The following RNF175 variants were observed in gnomAD, a reference collection of about 807,000 sequenced individuals.
RNF175 encodes ring finger protein 175.
RNF175 carries 38 observed loss-of-function variants against 50.0 expected under a neutral mutation model. The ratio of observed to expected loss-of-function variants is 0.76; its 90% CI spans 0.59 to 1.00. RNF175 has a LOEUF of 1.00. Among genes scored for constraint, RNF175 ranks in the 50% least tolerant of loss-of-function variants. The probability of loss-of-function intolerance (pLI) is 0.00; values close to 1 mark genes in which losing one functional copy is unlikely to be tolerated. For synonymous variants in RNF175, 155 were observed against 146.1 expected (o/e 1.06, Z -0.44); for missense variants, 388 against 409.6 (o/e 0.95, Z 0.46).
At chr4:153,756,634 G>A (rs879789637) in intron 1 of RNF175, among the ~76,000 whole-genome samples, 5 of 152,134 alleles carry the variant, frequency 3.3e-5, no homozygotes, top group Non-Finnish European at 5.9e-5. Flanking sequence ...ATATGGAGTG[G>A]TGCCTCCCAT....
chr4:153,738,503 C>T (rs182554561), intron 3 of RNF175, among the ~76,000 whole-genome samples: 1 of 152,224 alleles, frequency 6.6e-6, no homozygotes, highest in East Asian at 1.9e-4. Context: ...TTTCTTATCC[C>T]TGATAATTTT....
At chr4:153,738,522 T>G (rs1199703069) in intron 3 of RNF175, among the ~76,000 whole-genome samples, 2 of 152,206 alleles carry the variant, frequency 1.3e-5, no homozygotes, top group Non-Finnish European at 2.9e-5. Context: ...TTCCTTGTTC[T>G]GAAGTCCACT....
intron 3 of RNF175, among the ~76,000 whole-genome samples, chr4:153,740,832 G>C (rs1235866537): frequency 6.6e-6 from 1 of 152,184 alleles, no homozygotes; most frequent in African/African-American, 2.4e-5. Context: ...AATAGAAGCT[G>C]AGATAAACAG....
At chr4:153,733,321 C>T (rs1430756016) in intron 3 of RNF175, among the ~76,000 whole-genome samples, 4 of 152,140 alleles carry the variant, frequency 2.6e-5, no homozygotes, top group African/African-American at 4.8e-5. Context: ...ATAATACATG[C>T]AGTATACAAA....
chr4:153,727,917 C>T (rs926144441), intron 4 of RNF175, among the ~76,000 whole-genome samples: 2 of 152,256 alleles, frequency 1.3e-5, no homozygotes, highest in African/African-American at 4.8e-5. Context: ...AATAAACTTG[C>T]AAATAATGCT....
At chr4:153,732,164 G>A (rs28612703) in intron 3 of RNF175, among the ~76,000 whole-genome samples, 4,940 of 152,016 alleles carry the variant, frequency 0.032, 187 homozygotes, top group Middle Eastern at 0.099. Flanking sequence ...CCTGGGAAGC[G>A]GAGGTTGCAG....
intron 3 of RNF175, among the ~76,000 whole-genome samples, chr4:153,747,844 T>C (rs1740059430): frequency 6.6e-6 from 1 of 152,252 alleles, no homozygotes; most frequent in Non-Finnish European, 1.5e-5. Flanking sequence ...TGTTTTCTGC[T>C]GTTATAACAG....
Position 153,754,181 on chromosome 4 carries a change from A to G in RNF175, c.67-2706T>C, listed in dbSNP as rs11099903. Among the ~76,000 whole-genome samples, 215 of 149,506 alleles carry G rather than the reference A, an allele frequency of 1.4e-3. 1 individual carries two copies. Among genetic ancestry groups the G allele is most frequent in the African/African-American group, 3.3e-3 (134 of 40,650 alleles). ...CAAGACTCCGTCTCAAAAAAAAAAA[A>G]AAAATTATGAAAGTCTGGTAACTGA... is the stretch of plus-strand genomic sequence containing the variant. On this transcript the variant is annotated intron_variant, in intron 1 of 8. Transcript: ENST00000347063.
At chr4:153,735,309 T>C (rs1406712572) in intron 3 of RNF175, among the ~76,000 whole-genome samples, 4 of 152,182 alleles carry the variant, frequency 2.6e-5, no homozygotes, top group African/African-American at 9.6e-5. Flanking sequence ...TGAATTGCCT[T>C]TGTCCTTTGT....
At chr4:153,746,311 T>G (rs779007749) in intron 3 of RNF175, among the ~76,000 whole-genome samples, 4 of 152,268 alleles carry the variant, frequency 2.6e-5, no homozygotes, top group Non-Finnish European at 4.4e-5. Context: ...TTTGACTCCA[T>G]GTCCTACTTT....
chr4:153,720,895 A>G (rs1222103238), intron 5 of RNF175, among the ~76,000 whole-genome samples: 1 of 152,206 alleles, frequency 6.6e-6, no homozygotes, highest in Non-Finnish European at 1.5e-5. Context: ...AGATTTTTAT[A>G]AAATACTTTC....
chr4:153,722,399 A>G (rs1480604932), intron 5 of RNF175, among the ~76,000 whole-genome samples: 3 of 152,278 alleles, frequency 2.0e-5, no homozygotes, highest in Middle Eastern at 3.4e-3. Context: ...CATCTATTAA[A>G]CAATAGATAT....
At position 153,720,144 on chromosome 4, in the gene RNF175, T is replaced by C. The variant is rs770949555; in HGVS notation, c.630+40A>G. On this transcript the variant is annotated intron_variant, in intron 6 of 8. Transcript: ENST00000347063. ...CATGTAAGATGAGACCATTTCTCTT[T>C]GTGTCATACATGGTTTCAGAAAATG... The C allele has an allele frequency of 2.5e-6, 4 of 1,603,476 alleles. No individual in the cohort carries two copies. The Admixed American group carries it at 5.1e-5, about 20-fold the overall frequency.
intron 5 of RNF175, among the ~76,000 whole-genome samples, chr4:153,721,889 T>TA (rs1248620701): frequency 1.2e-4 from 18 of 152,178 alleles, no homozygotes; most frequent in African/African-American, 4.1e-4. Flanking sequence ...CTAGCAATAA[T>TA]AGATTTGTAC....
At chr4:153,712,429 A>T in intron 8 of RNF175, 46 bp downstream of exon 8, 1 of 536,318 alleles carries the variant, frequency 1.9e-6, no homozygotes, top group Non-Finnish European at 2.7e-6. Flanking sequence ...ATATCCCCAG[A>T]AACATTCAAG....
At chr4:153,742,327 A>G (rs1209659034) in intron 3 of RNF175, among the ~76,000 whole-genome samples, 1 of 151,872 alleles carries the variant, frequency 6.6e-6, no homozygotes, top group Non-Finnish European at 1.5e-5. Flanking sequence ...GCAAGGCAGT[A>G]TAAGCAGATG....
At chr4:153,726,828 C>T (rs1738726807) in intron 4 of RNF175, among the ~76,000 whole-genome samples, 1 of 152,184 alleles carries the variant, frequency 6.6e-6, no homozygotes, top group African/African-American at 2.4e-5. Flanking sequence ...TTTATAAAGT[C>T]AGTGGAGCCT....
chr4:153,720,033 T>A lies in RNF175; in HGVS notation c.630+151A>T, dbSNP rs1362966231. On this transcript the variant is annotated intron_variant, in intron 6 of 8. Transcript: ENST00000347063. Reference sequence around the variant, plus strand: ...ATGAAAGGAGAATCCAGGGAGCAATTGGTCTAGGTGAACCAAAAGAGTTCC... The same window carrying A: ...ATGAAAGGAGAATCCAGGGAGCAATAGGTCTAGGTGAACCAAAAGAGTTCC... The A allele has an allele frequency of 9.1e-6, 6 of 662,052 alleles. No individual in the cohort carries two copies. The East Asian group carries it at 1.4e-4, about 16-fold the overall frequency. 41.0% of individuals were successfully genotyped at this position (662,052 alleles called of 1,614,324 possible).
At chr4:153,754,124 C>T (rs1415884540) in intron 1 of RNF175, among the ~76,000 whole-genome samples, 16 of 114,256 alleles carry the variant, frequency 1.4e-4, no homozygotes, top group Admixed American at 5.2e-4. Flanking sequence ...GAGCTGAGAT[C>T]GCGCCACTGC....
Sources: gnomAD v4.1 joint callset for allele counts (sites outside exome capture counted in the v4.1 genomes callset) on GRCh38, gnomAD v4.1.1 for gene constraint, MANE v1.5 for transcripts, NCBI Gene and HGNC (gene_info 2026-07-23, HGNC 2026-07-21) for gene names.